The following ME1 variants were observed in gnomAD, a reference collection of about 807,000 sequenced individuals.
The protein encoded by ME1 is malic enzyme 1.
A neutral mutation model predicts 66.4 loss-of-function variants in ME1; 74 were observed. The ratio of observed to expected loss-of-function variants is 1.11; its 90% confidence interval spans 0.92 to 1.35. ME1 has a LOEUF of 1.35. ME1 is among the 40% of genes most tolerant of loss of function. The probability of loss-of-function intolerance (pLI) is 0.00; values close to 1 mark genes in which losing one functional copy is unlikely to be tolerated. For synonymous variants in ME1, 251 were observed against 235.6 expected (o/e 1.07, Z -0.60); for missense variants, 750 against 694.1 (o/e 1.08, Z -0.90).
chr6:83,265,573 T>A (rs1458894490), intron 6 of ME1, among the ~76,000 whole-genome samples: 1 of 152,168 alleles, frequency 6.6e-6, no homozygotes, highest in Non-Finnish European at 1.5e-5. Flanking sequence ...AGTGCTGGGA[T>A]TACAGGTATG....
intron 3 of ME1, among the ~76,000 whole-genome samples, chr6:83,381,383 C>A (rs1472904365): frequency 4.0e-5 from 6 of 151,196 alleles, no homozygotes; most frequent in Non-Finnish European, 8.8e-5. Context: ...ATTAAGCCTG[C>A]AAGCTTAAGA....
chr6:83,331,376 T>C (rs1397743917), intron 5 of ME1, among the ~76,000 whole-genome samples: 1 of 151,592 alleles, frequency 6.6e-6, no homozygotes, highest in African/African-American at 2.4e-5. Flanking sequence ...GATCACGAGG[T>C]CCGGAGTTTA....
At chr6:83,228,019 G>C (rs1490469955) in intron 10 of ME1, among the ~76,000 whole-genome samples, 1 of 152,130 alleles carries the variant, frequency 6.6e-6, no homozygotes, top group Non-Finnish European at 1.5e-5. Context: ...ACTTAGTAAA[G>C]TTCCTGTCAT....
At chr6:83,242,280 T>C (rs1790523927) in intron 7 of ME1, among the ~76,000 whole-genome samples, 1 of 152,140 alleles carries the variant, frequency 6.6e-6, no homozygotes, top group African/African-American at 2.4e-5. Flanking sequence ...CATAACAACA[T>C]ATGGTTGTTA....
chr6:83,261,590 C>T (rs1051308067), intron 6 of ME1, among the ~76,000 whole-genome samples: 2 of 151,958 alleles, frequency 1.3e-5, no homozygotes, highest in African/African-American at 4.8e-5. Context: ...AGGGAACATC[C>T]AGTGAGGAAG....
chr6:83,310,378 C>T (rs1283535204), intron 6 of ME1, among the ~76,000 whole-genome samples: 2 of 152,186 alleles, frequency 1.3e-5, no homozygotes, highest in Non-Finnish European at 2.9e-5. Context: ...CTCAACTTCT[C>T]CTTCTGCCCA....
chr6:83,275,464 C>CTT lies in ME1; in HGVS notation c.705-21728_705-21727dup, dbSNP rs767009219. 3.1e-3 allele frequency among the ~76,000 whole-genome samples: 376 copies of CTT among 119,700 alleles called. 6 individuals carry two copies. The highest frequency in any genetic ancestry group is 0.011 in the African/African-American group (303 of 28,506). 78.5% of individuals were successfully genotyped at this position (119,700 alleles called of 152,430 possible). A position where few individuals can be genotyped will look rare whatever the true frequency, so the allele number is the denominator to read the frequency against. ...GAAAATTAGGTAAAATAGTTTTGAT[C>CTT]TTTTTTTTTTTTTTTTTTTTTGATG... On this transcript the variant is annotated intron_variant, in intron 6 of 13. Coordinates refer to ENST00000369705, the MANE Select transcript of ME1 (RefSeq NM_002395.6).
chr6:83,277,132 A>G (rs1333547833), intron 6 of ME1, among the ~76,000 whole-genome samples: 1 of 152,272 alleles, frequency 6.6e-6, no homozygotes, highest in Non-Finnish European at 1.5e-5. Context: ...AAACAGCAAT[A>G]AACATTCTCT....
intron 1 of ME1, among the ~76,000 whole-genome samples, chr6:83,420,925 T>G (rs1303826807): frequency 6.6e-6 from 1 of 152,122 alleles, no homozygotes; most frequent in Admixed American, 6.5e-5. Flanking sequence ...TGTTTTTTTG[T>G]TTTTAGTTTT....
chr6:83,241,549 A>T (rs975341222), intron 7 of ME1, among the ~76,000 whole-genome samples: 1 of 152,176 alleles, frequency 6.6e-6, no homozygotes, highest in Non-Finnish European at 1.5e-5. Context: ...ATATTTCATA[A>T]TATTTCCTGA....
At chr6:83,294,631 C>T (rs530626939) in intron 6 of ME1, among the ~76,000 whole-genome samples, 6 of 152,262 alleles carry the variant, frequency 3.9e-5, no homozygotes, top group South Asian at 2.1e-4. Context: ...CTGCCACTGC[C>T]TCTGCAGTGG....
chr6:83,416,959 C>T (rs1313413484), intron 1 of ME1, among the ~76,000 whole-genome samples: 1 of 151,140 alleles, frequency 6.6e-6, no homozygotes. Flanking sequence ...TATTTTTATG[C>T]CATGTTACAT....
intron 1 of ME1, among the ~76,000 whole-genome samples, chr6:83,426,459 T>G (rs1256741108): frequency 6.6e-6 from 1 of 152,214 alleles, no homozygotes; most frequent in Non-Finnish European, 1.5e-5. Context: ...ATAAGTGGGA[T>G]TCTATGTTAA....
At chr6:83,365,614 C>T (rs1769089103) in intron 3 of ME1, among the ~76,000 whole-genome samples, 1 of 152,174 alleles carries the variant, frequency 6.6e-6, no homozygotes, top group African/African-American at 2.4e-5. Context: ...AAGCCCAGCA[C>T]TTTAGGAGGG....
chr6:83,212,182 A>G, intron 13 of ME1, 88 bp from the exon 14 acceptor site: 1 of 886,628 alleles, frequency 1.1e-6, no homozygotes, highest in Non-Finnish European at 1.6e-6. Context: ...CATTTCAAAA[A>G]CACTGTATCC....
intron 12 of ME1, among the ~76,000 whole-genome samples, chr6:83,219,594 G>GT (rs748526169): frequency 3.3e-5 from 5 of 151,950 alleles, no homozygotes; most frequent in African/African-American, 1.2e-4. Context: ...TTTGTTTTAT[G>GT]TATGTATGTA....
intron 6 of ME1, among the ~76,000 whole-genome samples, chr6:83,306,097 T>G (rs2128537567): frequency 6.6e-6 from 1 of 152,266 alleles, no homozygotes; most frequent in South Asian, 2.1e-4. Flanking sequence ...GTGTTTTTTG[T>G]TTTGTTTTTA....
Position 83,315,400 on chromosome 6 carries a change from T to C in ME1, c.614A>G (p.Asp205Gly). The C allele has an allele frequency of 1.3e-6, 2 of 1,589,010 alleles. No individual in the cohort carries two copies. Among genetic ancestry groups the C allele is most frequent in the Non-Finnish European group, 1.7e-6 (2 of 1,165,332 alleles). Residue 205 changes from aspartate to glycine, a missense_variant, in exon 6 of 14, where the codon GAT becomes GGT. Asp to Gly is a moderately conservative substitution (Grantham distance 94). Transcript: ENST00000369705. ...CTGCCGTAGTCCAATGTAGAGTGGA[T>C]CTTTAAGTAACTCCTATTAAAAAAA... ...VGTENEELLK[D>G]PLYIGLRQRR...
chr6:83,391,072 T>TC (rs1331016573), intron 3 of ME1, among the ~76,000 whole-genome samples: 1 of 152,192 alleles, frequency 6.6e-6, no homozygotes, highest in African/African-American at 2.4e-5. Context: ...CTATATATAG[T>TC]CTTTGGTACT....
Sources: gnomAD v4.1 joint callset for allele counts (sites outside exome capture counted in the v4.1 genomes callset) on GRCh38, gnomAD v4.1.1 for gene constraint, MANE v1.5 for transcripts, NCBI Gene and HGNC (gene_info 2026-07-23, HGNC 2026-07-21) for gene names.